Variants in PRKCH observed in about 807,000 individuals in gnomAD.
PRKCH encodes the protein protein kinase C eta type.
Under a neutral mutation model 82.5 loss-of-function variants are expected in PRKCH, and 28 were observed. That is an observed-to-expected ratio of 0.34 (90% CI 0.25 to 0.47). The LOEUF is 0.47. Among genes scored for constraint, PRKCH ranks in the 20% least tolerant of loss-of-function variants. The pLI is 1.00. For synonymous variants in PRKCH, 322 were observed against 327.4 expected, an observed-to-expected ratio of 0.98 and a Z score of 0.18; for missense variants, 705 against 881.8, an observed-to-expected ratio of 0.80 and a Z score of 2.54.
intron 1 of PRKCH, among the ~76,000 whole-genome samples, chr14:61,245,879 A>G (rs1727155678): frequency 6.6e-6 from 1 of 152,232 alleles, no homozygotes; most frequent in Non-Finnish European, 1.5e-5. Context: ...GTTTCCAACC[A>G]TCAGTGAGCA....
chr14:61,277,790 T>C (rs536322129), intron 1 of PRKCH: 2 of 152,340 alleles, frequency 1.3e-5, no homozygotes, highest in South Asian at 4.1e-4. Flanking sequence ...ATATACACGT[T>C]GAGGTTGATA....
intron 1 of PRKCH, among the ~76,000 whole-genome samples, chr14:61,314,801 C>T (rs753861404): frequency 5.3e-5 from 8 of 152,172 alleles, no homozygotes; most frequent in Non-Finnish European, 1.2e-4. Flanking sequence ...TGTGCATCCA[C>T]TGACACCCTA....
At chr14:61,459,450 C>CA (rs2140298069) in intron 9 of PRKCH, among the ~76,000 whole-genome samples, 2 of 152,322 alleles carry the variant, frequency 1.3e-5, no homozygotes, top group African/African-American at 4.8e-5. Context: ...GCTCAGCACA[C>CA]ACAGCATATC....
intron 2 of PRKCH, among the ~76,000 whole-genome samples, chr14:61,432,028 T>C (rs1211811101): frequency 6.6e-6 from 1 of 151,948 alleles, no homozygotes; most frequent in Non-Finnish European, 1.5e-5. Context: ...ATTCCATTTT[T>C]TCCCACCTCT....
chr14:61,428,322 G>T (rs916491362), intron 2 of PRKCH, among the ~76,000 whole-genome samples: 1 of 151,896 alleles, frequency 6.6e-6, no homozygotes, highest in Non-Finnish European at 1.5e-5. Flanking sequence ...CTATTCTGTC[G>T]GTTTTAGGTC....
chr14:61,450,049 G>A (rs191347574), intron 5 of PRKCH, among the ~76,000 whole-genome samples: 8 of 152,228 alleles, frequency 5.3e-5, no homozygotes, highest in Admixed American at 1.3e-4. Context: ...GATTTGCAGA[G>A]GCATTGGAAG....
intron 1 of PRKCH, among the ~76,000 whole-genome samples, chr14:61,291,170 C>A (rs896897527): frequency 2.0e-5 from 3 of 152,068 alleles, no homozygotes; most frequent in African/African-American, 7.2e-5. Context: ...TCAGTAAGTC[C>A]CTTATAGAAC....
At chr14:61,231,090 A>G (rs2044739214) in intron 1 of PRKCH, among the ~76,000 whole-genome samples, 1 of 152,236 alleles carries the variant, frequency 6.6e-6, no homozygotes, top group Non-Finnish European at 1.5e-5. Flanking sequence ...TGTGGTTAAG[A>G]AAGCACAGAC....
chr14:61,246,269 GT>G (rs1299751773), intron 1 of PRKCH, among the ~76,000 whole-genome samples: 50 of 148,916 alleles, frequency 3.4e-4, no homozygotes, highest in Middle Eastern at 3.5e-3. Flanking sequence ...AAAGCCAGGT[GT>G]GGTGGCACGT....
At chr14:61,392,250 C>T (rs976636370) in intron 2 of PRKCH, among the ~76,000 whole-genome samples, 2 of 152,058 alleles carry the variant, frequency 1.3e-5, no homozygotes, top group Non-Finnish European at 2.9e-5. Context: ...CTGGACATAA[C>T]ACTTTCATTT....
chr14:61,239,893 A>G (rs1465958540), intron 1 of PRKCH, among the ~76,000 whole-genome samples: 1 of 152,180 alleles, frequency 6.6e-6, no homozygotes, highest in African/African-American at 2.4e-5. Context: ...CTGACCCAGC[A>G]CTGTCTTTTG....
chr14:61,270,181 A>G (rs2045139609), intron 1 of PRKCH, among the ~76,000 whole-genome samples: 1 of 152,074 alleles, frequency 6.6e-6, no homozygotes, highest in Non-Finnish European at 1.5e-5. Context: ...GATGAAAGAC[A>G]CTGAGGTTGG....
At chr14:61,548,324 C>T (rs1189620054) in intron 13 of PRKCH, among the ~76,000 whole-genome samples, 2 of 152,226 alleles carry the variant, frequency 1.3e-5, no homozygotes, top group African/African-American at 2.4e-5. Flanking sequence ...TGAGCCTGGC[C>T]TCTTGGCTTG....
chr14:61,388,687 A>T (rs2046627557), intron 1 of PRKCH, among the ~76,000 whole-genome samples: 1 of 152,186 alleles, frequency 6.6e-6, no homozygotes, highest in South Asian at 2.1e-4. Context: ...CAAGGCAGAG[A>T]GTGGAGACAA....
chr14:61,490,708 G>A (rs887385064), intron 10 of PRKCH, among the ~76,000 whole-genome samples: 8 of 152,148 alleles, frequency 5.3e-5, no homozygotes, highest in African/African-American at 9.7e-5. Context: ...GAGTCTAGGG[G>A]TTCAAGACCA....
At chr14:61,195,931 T>C (rs1157466996) in intron 1 of PRKCH, among the ~76,000 whole-genome samples, 1 of 152,168 alleles carries the variant, frequency 6.6e-6, no homozygotes, top group African/African-American at 2.4e-5. Context: ...CTTCGGCATA[T>C]AAATTTTGGG....
In PRKCH at chr14:61,280,014, GA is replaced by G; in HGVS notation, c.-19+92347del. ...AAGCTAGGCGAGGTTGGAATTGGGT[GA>G]CGGGCGAGGAGGAGATGCCAAAAGC... is the stretch of plus-strand genomic sequence containing the variant. On this transcript the variant is annotated intron_variant, in intron 1 of 3. Transcript: ENST00000555185. The surrounding 1 kb of genome is among the most constrained non-coding windows in gnomAD (Gnocchi z 5.0). 1 of 1,277,704 alleles carries G rather than the reference GA, an allele frequency of 7.8e-7. No homozygotes were observed. The highest frequency in any genetic ancestry group is 1.5e-5 in the South Asian group (1 of 65,148). 79.1% of individuals were successfully genotyped at this position (1,277,704 alleles called of 1,614,324 possible). A position where few individuals can be genotyped will look rare whatever the true frequency, so the allele number is the denominator to read the frequency against.
chr14:61,432,901 A>G (rs1200108012), intron 2 of PRKCH, among the ~76,000 whole-genome samples: 3 of 90,496 alleles, frequency 3.3e-5, no homozygotes, highest in Non-Finnish European at 6.3e-5. Flanking sequence ...TTTTTCCTTT[A>G]TTTCTTCTTA....
upstream of PRKCH, among the ~76,000 whole-genome samples, chr14:61,321,479 CG>C (rs1481623569): frequency 6.6e-6 from 1 of 152,252 alleles, no homozygotes; most frequent in East Asian, 1.9e-4. This position sits in a 1 kb window ranked among gnomAD's most constrained non-coding sequence, Gnocchi z 4.1. Flanking sequence ...ACTGGCCTCC[CG>C]GGGGCTTGCG....
Sources: gnomAD v4.1 joint callset for allele counts (sites outside exome capture counted in the v4.1 genomes callset) on GRCh38, gnomAD v4.1.1 for gene constraint, Gnocchi (gnomAD v3.1) non-coding constraint, MANE v1.5 for transcripts, NCBI Gene and HGNC (gene_info 2026-07-23, HGNC 2026-07-21) for gene names.